MAF: variants seen among roughly 807,000 people sequenced by gnomAD.
The protein encoded by MAF is MAF bZIP transcription factor.
A neutral mutation model predicts 22.0 loss-of-function variants in MAF; 10 were observed. The ratio of observed to expected loss-of-function variants is 0.45; its 90% CI spans 0.28 to 0.77. MAF has a LOEUF of 0.77. Among genes scored for constraint, MAF ranks in the 30% least tolerant of loss-of-function variants. MAF has a pLI of 0.12. For missense variants in MAF, 544 were observed against 548.4 expected (o/e 0.99, Z 0.08); for synonymous variants, 337 against 255.8 (o/e 1.32, Z -3.03).
the MAF span, among the ~76,000 whole-genome samples, chr16:79,260,773 A>G: frequency 6.6e-6 from 1 of 152,138 alleles, no homozygotes. Context: ...TTGGTATGAT[A>G]TAGGAGCTGG....
chr16:79,566,383 G>A, the MAF span, among the ~76,000 whole-genome samples: 144 of 152,354 alleles, frequency 9.5e-4, 2 homozygotes, highest in African/African-American at 3.2e-3. Flanking sequence ...ACAGCAGGGA[G>A]TGGGGACTGT....
At chr16:79,423,223 A>T in the MAF span, among the ~76,000 whole-genome samples, 1 of 152,182 alleles carries the variant, frequency 6.6e-6, no homozygotes, top group South Asian at 2.1e-4. Context: ...CTGAAATTCA[A>T]ATTTAACTGG....
At chr16:79,290,462 G>C in the MAF span, among the ~76,000 whole-genome samples, 1 of 152,176 alleles carries the variant, frequency 6.6e-6, no homozygotes, top group African/African-American at 2.4e-5. Context: ...AGGTCTGAGA[G>C]TCAGAATCAT....
the MAF span, among the ~76,000 whole-genome samples, chr16:79,379,843 A>G: frequency 6.6e-6 from 1 of 152,164 alleles, no homozygotes; most frequent in East Asian, 1.9e-4. Context: ...CTTTTGTCCT[A>G]TCAGCTAGAG....
chr16:79,454,476 T>G, the MAF span, among the ~76,000 whole-genome samples: 1 of 152,090 alleles, frequency 6.6e-6, no homozygotes, highest in Non-Finnish European at 1.5e-5. Context: ...GCTAGTAGCA[T>G]AGAGAGTAAA....
chr16:79,422,481 C>T, the MAF span, among the ~76,000 whole-genome samples: 5 of 152,264 alleles, frequency 3.3e-5, no homozygotes, highest in African/African-American at 1.2e-4. Flanking sequence ...CCATTTACTG[C>T]CTCCAAGACC....
chr16:79,468,938 A>C, the MAF span, among the ~76,000 whole-genome samples: 1 of 152,074 alleles, frequency 6.6e-6, no homozygotes, highest in African/African-American at 2.4e-5. Flanking sequence ...GTGGGCTCAC[A>C]CTTCCTTTTT....
the MAF span, among the ~76,000 whole-genome samples, chr16:79,392,105 AAG>A: frequency 4.0e-5 from 6 of 148,362 alleles, no homozygotes; most frequent in African/African-American, 5.0e-5. Flanking sequence ...GAAAGAAGGA[AAG>A]AGAGAGGAAA....
the MAF span, among the ~76,000 whole-genome samples, chr16:79,547,286 TACACAC>T: frequency 2.0e-5 from 3 of 150,952 alleles, no homozygotes; most frequent in African/African-American, 7.3e-5. Flanking sequence ...CACACGCACA[TACACAC>T]ACACACATAC....
At chr16:79,442,367 A>G in the MAF span, among the ~76,000 whole-genome samples, 1 of 148,992 alleles carries the variant, frequency 6.7e-6, no homozygotes, top group Non-Finnish European at 1.5e-5. Flanking sequence ...TATTTTATTT[A>G]TTTATTTATT....
the MAF span, among the ~76,000 whole-genome samples, chr16:79,371,214 G>T: frequency 6.6e-6 from 1 of 152,002 alleles, no homozygotes; most frequent in African/African-American, 2.4e-5. Flanking sequence ...TCAACATAGT[G>T]GTCTCAGGGT....
At chr16:79,210,666 G>C in the MAF span, among the ~76,000 whole-genome samples, 2,874 of 152,230 alleles carry the variant, frequency 0.019, 25 homozygotes, top group East Asian at 0.039. Context: ...TTTTAAATTA[G>C]AGACGTGCCG....
the MAF span, among the ~76,000 whole-genome samples, chr16:79,263,500 G>A: frequency 3.5e-4 from 53 of 152,232 alleles, no homozygotes; most frequent in Non-Finnish European, 5.7e-4. Flanking sequence ...GTGGCGCTCA[G>A]GCAGTGACGT....
At chr16:79,514,600 T>G in the MAF span, among the ~76,000 whole-genome samples, 1 of 152,230 alleles carries the variant, frequency 6.6e-6, no homozygotes, top group East Asian at 1.9e-4. Context: ...GACTGAAAAT[T>G]TAGGCTGTAG....
the MAF span, among the ~76,000 whole-genome samples, chr16:79,334,711 G>A: frequency 2.0e-5 from 3 of 152,122 alleles, no homozygotes; most frequent in Admixed American, 1.3e-4. Context: ...CATGAAGCTG[G>A]GCCTGGTTAA....
chr16:79,209,079 T>A, the MAF span, among the ~76,000 whole-genome samples: 3 of 152,210 alleles, frequency 2.0e-5, no homozygotes, highest in African/African-American at 7.2e-5. Flanking sequence ...TGTGATGGAA[T>A]TTAGATGGTA....
the MAF span, among the ~76,000 whole-genome samples, chr16:79,390,220 T>C: frequency 1.1e-4 from 16 of 151,986 alleles, no homozygotes; most frequent in Non-Finnish European, 2.2e-4. Context: ...CGGGTTTATT[T>C]TGGCAATATT....
chr16:79,265,084 C>T, the MAF span, among the ~76,000 whole-genome samples: 2 of 152,144 alleles, frequency 1.3e-5, no homozygotes, highest in South Asian at 2.1e-4. Context: ...CGAATTTCCT[C>T]ATCTGCCATG....
At chr16:79,482,571 A>G in the MAF span, among the ~76,000 whole-genome samples, 6,312 of 152,244 alleles carry the variant, frequency 0.041, 459 homozygotes, top group African/African-American at 0.14. Context: ...TGAGGAGTTC[A>G]CCAACTTCAT....
Sources: gnomAD v4.1 joint callset for allele counts (sites outside exome capture counted in the v4.1 genomes callset) on GRCh38, gnomAD v4.1.1 for gene constraint, MANE v1.5 for transcripts, NCBI Gene and HGNC (gene_info 2026-07-23, HGNC 2026-07-21) for gene names.